Variants in SS18L2 observed in about 807,000 individuals in gnomAD.
The protein encoded by SS18L2 is SS18 like 2.
In SS18L2, 8 loss-of-function variants were observed where a neutral mutation model predicts 10.3. The ratio of observed to expected loss-of-function variants is 0.78; its 90% CI spans 0.46 to 1.41. The LOEUF is 1.41. SS18L2 is among the 40% of genes most tolerant of loss of function. The pLI, the probability that SS18L2 is intolerant of heterozygous loss-of-function variation, is 0.00. For synonymous variants in SS18L2, 41 were observed against 34.6 expected (o/e 1.19, Z -0.65); for missense variants, 100 against 96.2 (o/e 1.04, Z -0.17).
intron 1 of SS18L2, among the ~76,000 whole-genome samples, chr3:42,583,080 G>A (rs545861806): frequency 6.6e-6 from 1 of 152,340 alleles, no homozygotes; most frequent in Admixed American, 6.5e-5. Context: ...ATCCACTAGA[G>A]CGAATAGAAG....
chr3:42,584,170 C>T (rs756126463), intron 1 of SS18L2, among the ~76,000 whole-genome samples: 3 of 151,284 alleles, frequency 2.0e-5, no homozygotes, highest in Non-Finnish European at 4.4e-5. Flanking sequence ...CACATTGGTT[C>T]TCTCTCTCTG....
rs767791020 is a variant in SS18L2, at chr3:42,591,564, G to A, written c.109G>A (p.Glu37Lys). 2.5e-5 allele frequency: 41 copies of A among 1,613,902 alleles called. No homozygotes were observed. The highest frequency in any genetic ancestry group is 3.5e-5 in the Non-Finnish European group (41 of 1,179,950). Residue 37 changes from glutamate to lysine, a missense_variant, in exon 2 of 3, where the codon GAG becomes AAG. Transcript: ENST00000011691. The part of the protein sequence containing the change: ...ENDQLIRCIV[E>K]YQNKGRGNEC... ...TGACCAGCTGATCCGCTGTATTGTG[G>A]AGTATCAGAACAAGGGCCGCGGGAA...
chr3:42,593,911 G>A (rs988940387), intron 2 of SS18L2, among the ~76,000 whole-genome samples: 2 of 152,046 alleles, frequency 1.3e-5, no homozygotes, highest in East Asian at 1.9e-4. Context: ...GGAGTGTGCC[G>A]GATATCTTCA....
At chr3:42,588,244 A>T (rs900550525), upstream of SS18L2, among the ~76,000 whole-genome samples, 6 of 151,648 alleles carry the variant, frequency 4.0e-5, no homozygotes, top group Non-Finnish European at 5.9e-5. Flanking sequence ...TCTACTAAAA[A>T]TACAAAAAAA....
At chr3:42,593,807 TAG>T (rs1269858188) in intron 2 of SS18L2, among the ~76,000 whole-genome samples, 1 of 151,930 alleles carries the variant, frequency 6.6e-6, no homozygotes, top group African/African-American at 2.4e-5. Context: ...GATATTTGAG[TAG>T]AGACCTGGGG....
intron 1 of SS18L2, among the ~76,000 whole-genome samples, chr3:42,585,838 C>A (rs1160771476): frequency 6.6e-6 from 1 of 152,186 alleles, no homozygotes; most frequent in East Asian, 1.9e-4. Flanking sequence ...AGGTCCTCAA[C>A]ACCTTTCAGC....
intron 1 of SS18L2, among the ~76,000 whole-genome samples, chr3:42,583,164 T>C (rs1268586164): frequency 6.6e-6 from 1 of 152,136 alleles, no homozygotes; most frequent in Non-Finnish European, 1.5e-5. Flanking sequence ...AAAATTGCAT[T>C]TTATAAAACT....
rs1704800737 is a variant in SS18L2 at position 42,590,897 on chromosome 3, G to C, written c.-1G>C. ...GGTCGTGGTTCCGGAGGTTCCTCGG[G>C]ATGTCGGTGGCCTTCGTACCGGACT... On this transcript the variant is annotated 5_prime_UTR_variant, in exon 1 of 3. Transcript: ENST00000011691. The C allele has an allele frequency of 6.3e-7, 1 of 1,585,470 alleles. No homozygotes were observed. The highest frequency in any genetic ancestry group is 1.4e-5 in the African/African-American group (1 of 73,928).
At chr3:42,584,298 A>G (rs978316894) in intron 1 of SS18L2, among the ~76,000 whole-genome samples, 36 of 152,202 alleles carry the variant, frequency 2.4e-4, no homozygotes, top group African/African-American at 8.7e-4. Flanking sequence ...TCTGTGGCCT[A>G]GGTTGGAGTT....
intron 1 of SS18L2, among the ~76,000 whole-genome samples, chr3:42,585,602 T>C (rs1704584315): frequency 6.6e-6 from 1 of 152,106 alleles, no homozygotes; most frequent in African/African-American, 2.4e-5. Flanking sequence ...CAGCTGAGAG[T>C]TCAGGGTTTA....
chr3:42,594,581 C>T lies in SS18L2; in HGVS notation c.*72C>T. The T allele has an allele frequency of 7.5e-7, 1 of 1,324,954 alleles. No individual in the cohort carries two copies. Among genetic ancestry groups the T allele is most frequent in the South Asian group, 1.2e-5 (1 of 81,834 alleles). 82.1% of individuals were successfully genotyped at this position (1,324,954 alleles called of 1,614,324 possible). Reference sequence around the variant, plus strand: ...GTAATTGAATGTAATCCATCTCTTACAAAATGGAGACAGGGTCTTTACCAA... The same window carrying T: ...GTAATTGAATGTAATCCATCTCTTATAAAATGGAGACAGGGTCTTTACCAA... On this transcript the variant is annotated 3_prime_UTR_variant, in exon 3 of 3. Coordinates refer to ENST00000011691, the MANE Select transcript of SS18L2 (RefSeq NM_001370300.1).
At position 42,592,879 on chromosome 3, in the gene SS18L2, G is replaced by A. The variant is rs957042832; in HGVS notation, c.146+1278G>A. On this transcript the variant is annotated intron_variant, in intron 2 of 2. Transcript: ENST00000011691. ...GGTGAAGAACTCTACCCCCCCCACC[G>A]TAAACTTATGTTGATCATGAAAATG... 7.9e-5 allele frequency among the ~76,000 whole-genome samples: 12 copies of A among 152,054 alleles called. No individual in the cohort carries two copies. The East Asian group carries it at 9.6e-4, about 12-fold the overall frequency.
At chr3:42,591,863 G>A (rs73829243) in intron 2 of SS18L2, among the ~76,000 whole-genome samples, 3,923 of 152,218 alleles carry the variant, frequency 0.026, 69 homozygotes, top group African/African-American at 0.051. Flanking sequence ...AAGCTATGCC[G>A]GCTGATGACA....
intron 2 of SS18L2, among the ~76,000 whole-genome samples, chr3:42,591,988 C>G (rs1479363647): frequency 6.6e-6 from 1 of 152,092 alleles, no homozygotes; most frequent in Non-Finnish European, 1.5e-5. Flanking sequence ...AGGGGTCAGG[C>G]CATTTGACTG....
At chr3:42,593,763 A>T (rs993950846) in intron 2 of SS18L2, among the ~76,000 whole-genome samples, 1 of 152,154 alleles carries the variant, frequency 6.6e-6, no homozygotes, top group African/African-American at 2.4e-5. Flanking sequence ...TGGGGGGAGG[A>T]GTGCTATTTT....
upstream of SS18L2, among the ~76,000 whole-genome samples, chr3:42,587,758 T>A (rs147343875): frequency 6.8e-6 from 1 of 147,142 alleles, no homozygotes; most frequent in Non-Finnish European, 1.5e-5. Flanking sequence ...AATCAAATCC[T>A]TATATAAACC....
chr3:42,591,732 G>A, intron 2 of SS18L2, 131 bp downstream of exon 2: 1 of 699,080 alleles, frequency 1.4e-6, no homozygotes, highest in Non-Finnish European at 2.5e-6. Flanking sequence ...AGGAAAGAGA[G>A]GCTCAAAGAG....
At chr3:42,590,793 G>A (rs1194024099), upstream of SS18L2, 9 of 1,196,580 alleles carry the variant, frequency 7.5e-6, no homozygotes, top group East Asian at 9.3e-5. Flanking sequence ...CGTCCCTTCT[G>A]TACCCCGCCC....
Position 42,594,515 on chromosome 3 carries a change from C to G in SS18L2, c.*6C>G. ...CTTCAAAAGCAATGGAATAATCTTT[C>G]AAAAGCAATAGAATAATCTTCCATT... On this transcript the variant is annotated 3_prime_UTR_variant, in exon 3 of 3. Transcript: ENST00000011691. The G allele has an allele frequency of 6.2e-7, 1 of 1,610,178 alleles. No homozygotes were observed. Among genetic ancestry groups the G allele is most frequent in the Non-Finnish European group, 8.5e-7 (1 of 1,176,714 alleles).
Sources: allele counts gnomAD v4.1 joint callset (sites outside exome capture counted in the v4.1 genomes callset), GRCh38; gene constraint gnomAD v4.1.1; transcripts MANE v1.5; gene names NCBI Gene and HGNC (gene_info 2026-07-23, HGNC 2026-07-21).